The following PLD5 variants were observed in gnomAD, a reference collection of about 807,000 sequenced individuals.
PLD5 encodes the protein inactive phospholipase D5.
A neutral mutation model predicts 61.1 loss-of-function variants in PLD5; 36 were observed. That is an observed-to-expected ratio of 0.59 (90% CI 0.45 to 0.78). The LOEUF is 0.78. Among genes scored for constraint, PLD5 ranks in the 30% least tolerant of loss-of-function variants. The probability of loss-of-function intolerance (pLI) is 0.00; values close to 1 mark genes in which losing one functional copy is unlikely to be tolerated. For synonymous variants in PLD5, 243 were observed against 242.8 expected, an observed-to-expected ratio of 1.00 and a Z score of -0.01; for missense variants, 515 against 644.4, an observed-to-expected ratio of 0.80 and a Z score of 2.17.
intron 1 of PLD5, among the ~76,000 whole-genome samples, chr1:242,439,532 CT>C (rs1276797517): frequency 6.6e-6 from 1 of 152,124 alleles, no homozygotes; most frequent in Non-Finnish European, 1.5e-5. Context: ...GGCATAGAAT[CT>C]GGTGAGCAGC....
chr1:242,527,463 T>C (rs1024649307), upstream of PLD5, among the ~76,000 whole-genome samples: 1 of 152,136 alleles, frequency 6.6e-6, no homozygotes, highest in Non-Finnish European at 1.5e-5. Context: ...GAAGGTACAC[T>C]GGTGGCATAA....
intron 6 of PLD5, among the ~76,000 whole-genome samples, chr1:242,118,934 A>G (rs1662155373): frequency 6.6e-6 from 1 of 152,232 alleles, no homozygotes; most frequent in African/African-American, 2.4e-5. Context: ...GAAGTTAACT[A>G]GTTCCAACTG....
At chr1:242,125,579 T>C (rs149868457) in intron 5 of PLD5, among the ~76,000 whole-genome samples, 62 of 152,308 alleles carry the variant, frequency 4.1e-4, no homozygotes, top group African/African-American at 1.5e-3. Flanking sequence ...TCAATGAAAC[T>C]ATACAATGTG....
At chr1:242,339,398 A>G (rs1249029180) in intron 2 of PLD5, among the ~76,000 whole-genome samples, 2 of 152,294 alleles carry the variant, frequency 1.3e-5, no homozygotes, top group Middle Eastern at 3.4e-3. Context: ...TTTTATTTGG[A>G]GAAAGGGGGC....
At chr1:242,396,673 C>CTTTT (rs1202041198) in intron 1 of PLD5, among the ~76,000 whole-genome samples, 6 of 129,530 alleles carry the variant, frequency 4.6e-5, no homozygotes, top group Non-Finnish European at 8.3e-5. Flanking sequence ...CTTTTCTTTT[C>CTTTT]TTTTTTTTTT....
chr1:242,440,539 T>C (rs1441682413), intron 1 of PLD5, among the ~76,000 whole-genome samples: 7 of 152,218 alleles, frequency 4.6e-5, no homozygotes, highest in Admixed American at 2.0e-4. Flanking sequence ...TTTATCAACA[T>C]CTAATGCAGT....
At chr1:242,492,206 A>C (rs535714969) in intron 1 of PLD5, among the ~76,000 whole-genome samples, 1 of 152,236 alleles carries the variant, frequency 6.6e-6, no homozygotes, top group South Asian at 2.1e-4. Flanking sequence ...AGTGTGAAAG[A>C]ACAGATAAAA....
intron 1 of PLD5, among the ~76,000 whole-genome samples, chr1:242,522,621 C>G (rs1669314974): frequency 6.6e-6 from 1 of 152,222 alleles, no homozygotes; most frequent in Admixed American, 6.5e-5. Context: ...ACTGTTATCC[C>G]TGATACTAAA....
intron 5 of PLD5, among the ~76,000 whole-genome samples, chr1:242,162,276 T>TCCAGATAA (rs1354434782): frequency 6.6e-6 from 1 of 152,326 alleles, no homozygotes; most frequent in East Asian, 1.9e-4. Flanking sequence ...TTCTTTCTCC[T>TCCAGATAA]CCAGATAAAC....
Position 242,088,431 on chromosome 1 carries a change from T to A in PLD5, c.*1423A>T, listed in dbSNP as rs1659574126. On this transcript the variant is annotated 3_prime_UTR_variant, in exon 10 of 10. Coordinates refer to ENST00000536534, the MANE Select transcript of PLD5 (RefSeq NM_001372062.1). ...ACAAAGTTTATTTCAAGAAAAAGATTATATATTATAATGCTTAGCATTTAT... is the reference window on the plus strand; with the variant it reads ...ACAAAGTTTATTTCAAGAAAAAGATAATATATTATAATGCTTAGCATTTAT... The A allele has an allele frequency of 6.6e-6, 1 of 152,232 alleles. No individual in the cohort carries two copies. Among genetic ancestry groups the A allele is most frequent in the South Asian group, 2.1e-4 (1 of 4,826 alleles). The allele number at this position is 152,232 out of a possible 1,614,324, so 9.4% of individuals were successfully genotyped here. A position where few individuals can be genotyped will look rare whatever the true frequency, so the allele number is the denominator to read the frequency against.
At position 242,255,175 on chromosome 1, in the gene PLD5, C is replaced by T. The variant is rs530410757; in HGVS notation, c.607+10162G>A. Among the ~76,000 whole-genome samples, 9 of 152,166 alleles carry T rather than the reference C, an allele frequency of 5.9e-5. No individual in the cohort carries two copies. In the East Asian group the frequency reaches 1.4e-3, roughly 23 times the overall value. On this transcript the variant is annotated intron_variant, in intron 4 of 9. Coordinates refer to ENST00000536534, the MANE Select transcript of PLD5 (RefSeq NM_001372062.1). ...TCCACATTCATGATAACCATGAGGA[C>T]TGTCCTTCACTTGAAATGTTCAGCC...
chr1:242,439,738 T>C (rs559199561), intron 1 of PLD5, among the ~76,000 whole-genome samples: 13 of 152,304 alleles, frequency 8.5e-5, no homozygotes, highest in Admixed American at 2.6e-4. Flanking sequence ...TTCCTCTGGA[T>C]TGAAAACTCC....
At chr1:242,500,279 G>A (rs1438747988) in intron 1 of PLD5, among the ~76,000 whole-genome samples, 1 of 152,154 alleles carries the variant, frequency 6.6e-6, no homozygotes, top group Non-Finnish European at 1.5e-5. Flanking sequence ...CCAGCTTTTG[G>A]AAAATACAGT....
chr1:242,494,220 T>A (rs988365113), intron 1 of PLD5, among the ~76,000 whole-genome samples: 1 of 151,240 alleles, frequency 6.6e-6, no homozygotes, highest in African/African-American at 2.4e-5. Flanking sequence ...GGCACTCACA[T>A]CCCCTTTTCC....
At chr1:242,228,551 A>C (rs1028685147) in intron 4 of PLD5, among the ~76,000 whole-genome samples, 8 of 152,148 alleles carry the variant, frequency 5.3e-5, no homozygotes, top group Non-Finnish European at 1.2e-4. Flanking sequence ...GTTACTTAAA[A>C]GCAGCTGTGT....
At chr1:242,412,255 C>T (rs557832446) in intron 1 of PLD5, among the ~76,000 whole-genome samples, 38 of 152,332 alleles carry the variant, frequency 2.5e-4, no homozygotes, top group African/African-American at 9.1e-4. Flanking sequence ...TCCCACCTCC[C>T]ATCCCATCAT....
At chr1:242,486,853 C>T (rs1667979998) in intron 1 of PLD5, among the ~76,000 whole-genome samples, 1 of 152,068 alleles carries the variant, frequency 6.6e-6, no homozygotes, top group South Asian at 2.1e-4. Context: ...AAATGTGGCA[C>T]ATATACACCA....
At chr1:242,337,402 G>A (rs113436845) in intron 2 of PLD5, among the ~76,000 whole-genome samples, 3,610 of 125,308 alleles carry the variant, frequency 0.029, 131 homozygotes, top group African/African-American at 0.094. Context: ...AGGTCAAGGC[G>A]GATGGATCAT....
In PLD5 at chr1:242,124,655, A is replaced by T; in HGVS notation, c.746T>A (p.Leu249His). 1 of 1,612,958 alleles carries T rather than the reference A, an allele frequency of 6.2e-7. No homozygotes were observed. Reference sequence around the variant, plus strand: ...GCTGCAGTTGTAGAAGATGACACCGAGTTCTTTCATCTGTGAAATTAAAAT... The same window carrying T: ...GCTGCAGTTGTAGAAGATGACACCGTGTTCTTTCATCTGTGAAATTAAAAT... Reference protein sequence around the residue: ...DWQSLGQMKELGVIFYNCSCL... With the variant: ...DWQSLGQMKEHGVIFYNCSCL... Residue 249 changes from leucine (L) to histidine (H), a missense_variant, in exon 6 of 10, where the codon CTC becomes CAC. Leu to His is a moderately conservative substitution (Grantham distance 99). Transcript: ENST00000536534.
Sources: allele counts gnomAD v4.1 joint callset (sites outside exome capture counted in the v4.1 genomes callset), GRCh38; gene constraint gnomAD v4.1.1; transcripts MANE v1.5; gene names NCBI Gene and HGNC (gene_info 2026-07-23, HGNC 2026-07-21).